ADAM22: variants seen among roughly 807,000 people sequenced by gnomAD.
ADAM22 encodes the protein ADAM metallopeptidase domain 22.
Under a neutral mutation model 144.6 loss-of-function variants are expected in ADAM22, and 65 were observed. That is an observed-to-expected ratio of 0.45 (90% CI 0.37 to 0.55). ADAM22 has a LOEUF of 0.55. Ranked by LOEUF, ADAM22 falls within the 20% of genes least tolerant of loss-of-function variation. ADAM22 has a pLI of 0.00. For missense variants in ADAM22, 974 were observed against 1,184.9 expected, an observed-to-expected ratio of 0.82 and a Z score of 2.61; for synonymous variants, 391 against 412.6, an observed-to-expected ratio of 0.95 and a Z score of 0.63.
rs539761710 is a variant in ADAM22, at chr7:88,010,790, T to C, written c.323+32378T>C. On this transcript the variant is annotated intron_variant, in intron 3 of 31. Coordinates refer to ENST00000413139, the MANE Select transcript of ADAM22 (RefSeq NM_001324418.2). Reference sequence around the variant, plus strand: ...TCATTTTGGTAAGTCAAAACCATAATTGTCCACTGTAGTAGCTGAGGCCAA... The same window carrying C: ...TCATTTTGGTAAGTCAAAACCATAACTGTCCACTGTAGTAGCTGAGGCCAA... Among the ~76,000 whole-genome samples, 84 of 152,312 alleles carry C rather than the reference T, an allele frequency of 5.5e-4. 1 individual carries two copies. Among genetic ancestry groups the C allele is most frequent in the African/African-American group, 1.9e-3 (80 of 41,562 alleles).
intron 4 of ADAM22, among the ~76,000 whole-genome samples, chr7:88,101,930 T>C (rs73202378): frequency 0.011 from 1,718 of 152,340 alleles, 19 homozygotes; most frequent in Non-Finnish European, 0.017. Flanking sequence ...TTGAGAAATT[T>C]GCATTTCTAA....
At chr7:88,193,712 A>G (rs1041946439) in intron 31 of ADAM22, among the ~76,000 whole-genome samples, 1 of 152,326 alleles carries the variant, frequency 6.6e-6, no homozygotes, top group South Asian at 2.1e-4. Flanking sequence ...GTGGTCATTT[A>G]CACTGTAATG....
intron 2 of ADAM22, among the ~76,000 whole-genome samples, chr7:87,943,106 ATTAAC>A (rs1301635156): frequency 6.7e-6 from 1 of 149,796 alleles, no homozygotes; most frequent in East Asian, 1.9e-4. Flanking sequence ...ATTAGTATTT[ATTAAC>A]TTAAATAAAT....
At chr7:87,978,774 A>T (rs773451720) in intron 3 of ADAM22, among the ~76,000 whole-genome samples, 5 of 152,184 alleles carry the variant, frequency 3.3e-5, no homozygotes, top group Admixed American at 6.5e-5. Flanking sequence ...AGAAGGTTGC[A>T]CTTTTTGATT....
At chr7:88,042,027 G>A (rs966790319) in intron 3 of ADAM22, among the ~76,000 whole-genome samples, 1 of 151,958 alleles carries the variant, frequency 6.6e-6, no homozygotes, top group African/African-American at 2.4e-5. Flanking sequence ...GTTGTTAATT[G>A]TTCTCTGCTG....
At chr7:88,195,609 G>A (rs887538219) in intron 31 of ADAM22, among the ~76,000 whole-genome samples, 9 of 152,028 alleles carry the variant, frequency 5.9e-5, no homozygotes, top group Non-Finnish European at 8.8e-5. Flanking sequence ...TCCGCCTCCC[G>A]GGTTCACGCC....
At chr7:88,190,182 A>G (rs1282658386) in intron 30 of ADAM22, among the ~76,000 whole-genome samples, 1 of 152,204 alleles carries the variant, frequency 6.6e-6, no homozygotes, top group East Asian at 1.9e-4. Flanking sequence ...TGGCACACAA[A>G]CATACCTTTA....
chr7:88,145,269 A>C, intron 16 of ADAM22, 73 bp downstream of exon 16: 1 of 1,507,902 alleles, frequency 6.6e-7, no homozygotes, highest in Admixed American at 1.8e-5. Context: ...ACTGAGATGT[A>C]TGGAGCAAAT....
At chr7:88,120,558 T>G (rs1207460763) in intron 7 of ADAM22, among the ~76,000 whole-genome samples, 12 of 152,244 alleles carry the variant, frequency 7.9e-5, no homozygotes, top group Non-Finnish European at 1.5e-5. Context: ...CTCACTTTGG[T>G]TGAAATTTGC....
At position 88,005,622 on chromosome 7, in the gene ADAM22, G is replaced by A. The variant is rs147593237; in HGVS notation, c.323+27210G>A. Among the ~76,000 whole-genome samples the A allele has an allele frequency of 2.3e-3, 347 of 152,244 alleles. 2 individuals are homozygous for A. Among genetic ancestry groups the A allele is most frequent in the African/African-American group, 7.8e-3 (324 of 41,556 alleles). On this transcript the variant is annotated intron_variant, in intron 3 of 31. Coordinates refer to ENST00000413139, the MANE Select transcript of ADAM22 (RefSeq NM_001324418.2). ...TATTATACACAGATGCTTAAGGTGGGTGGATGAAGGGATTGGGCAGAGAGA... is the reference window on the plus strand; with the variant it reads ...TATTATACACAGATGCTTAAGGTGGATGGATGAAGGGATTGGGCAGAGAGA...
chr7:88,058,068 A>C (rs1053014895), intron 3 of ADAM22, among the ~76,000 whole-genome samples: 2 of 152,210 alleles, frequency 1.3e-5, no homozygotes, highest in Non-Finnish European at 2.9e-5. Context: ...TAGTGAGGGT[A>C]TAATAAACTA....
chr7:88,168,299 A>G (rs1423404686), intron 25 of ADAM22, 72 bp downstream of exon 25: 1 of 1,457,476 alleles, frequency 6.9e-7, no homozygotes, highest in Non-Finnish European at 9.6e-7. Flanking sequence ...GAAAACATCT[A>G]GAAAGTTTTG....
chr7:87,947,655 G>A (rs1198767018), intron 2 of ADAM22, among the ~76,000 whole-genome samples: 1 of 152,126 alleles, frequency 6.6e-6, no homozygotes, highest in Non-Finnish European at 1.5e-5. Context: ...TTCTCTCATA[G>A]TTAACGAGGG....
At chr7:88,025,862 T>G (rs1798909729) in intron 3 of ADAM22, among the ~76,000 whole-genome samples, 2 of 152,224 alleles carry the variant, frequency 1.3e-5, no homozygotes, top group Non-Finnish European at 2.9e-5. Context: ...TCTTTTGTGG[T>G]TCCACATAAA....
intron 3 of ADAM22, among the ~76,000 whole-genome samples, chr7:88,035,700 A>T (rs985166447): frequency 6.6e-6 from 1 of 152,252 alleles, no homozygotes; most frequent in African/African-American, 2.4e-5. Flanking sequence ...TAATCTAGAG[A>T]TGACCAGAGT....
chr7:88,092,255 C>T (rs10234412), intron 4 of ADAM22, among the ~76,000 whole-genome samples: 83,325 of 151,904 alleles, frequency 0.55, 23,870 homozygotes, highest in East Asian at 0.88. Context: ...GATTGTATCT[C>T]TGCCAAAGAG....
In ADAM22 at chr7:88,198,799, A is replaced by G. The variant is rs1445245765; in HGVS notation, c.*2308A>G. 1 of 152,204 alleles carries G rather than the reference A, an allele frequency of 6.6e-6. No individual in the cohort carries two copies. The highest frequency in any genetic ancestry group is 1.5e-5 in the Non-Finnish European group (1 of 68,044). The allele number at this position is 152,204 out of a possible 1,614,324, so 9.4% of individuals were successfully genotyped here. Reference sequence around the variant, plus strand: ...GAAATTATTATTTCAAATGAAAATCATGATCATGTGCCTTTTGGGAGACAT... The same window carrying G: ...GAAATTATTATTTCAAATGAAAATCGTGATCATGTGCCTTTTGGGAGACAT... On this transcript the variant is annotated 3_prime_UTR_variant, in exon 32 of 32. Coordinates refer to ENST00000413139, the MANE Select transcript of ADAM22 (RefSeq NM_001324418.2).
At chr7:87,959,341 G>A (rs1209428207) in intron 2 of ADAM22, among the ~76,000 whole-genome samples, 2 of 152,108 alleles carry the variant, frequency 1.3e-5, no homozygotes, top group African/African-American at 4.8e-5. Context: ...TGGGCGTTTG[G>A]CATATAGTAA....
Position 87,966,406 on chromosome 7 carries a change from G to C in ADAM22, c.247-11930G>C, listed in dbSNP as rs1054461386. ...TGTGAGTAAGCATTTTCTTGTTCAG[G>C]CCTTAAATTGAAGGCCTAGTAATGG... On this transcript the variant is annotated intron_variant, in intron 2 of 31. Transcript: ENST00000413139. 1.6e-4 allele frequency among the ~76,000 whole-genome samples: 24 copies of C among 152,134 alleles called. 1 individual carries two copies. The highest frequency in any genetic ancestry group is 4.4e-5 in the Non-Finnish European group (3 of 68,032).
Sources: gnomAD v4.1 joint callset for allele counts (sites outside exome capture counted in the v4.1 genomes callset) on GRCh38, gnomAD v4.1.1 for gene constraint, MANE v1.5 for transcripts, NCBI Gene and HGNC (gene_info 2026-07-23, HGNC 2026-07-21) for gene names.